PTPRC: variants seen among roughly 807,000 people sequenced by gnomAD.
The protein encoded by PTPRC is protein tyrosine phosphatase receptor type C, also known as receptor-type tyrosine-protein phosphatase C.
PTPRC carries 44 observed loss-of-function variants against 155.9 expected under a neutral mutation model. The observed-to-expected ratio is 0.28, with a 90% CI of 0.22 to 0.36. The LOEUF is 0.36. Among genes scored for constraint, PTPRC ranks in the 10% least tolerant of loss-of-function variants. PTPRC has a pLI of 1.00. For synonymous variants in PTPRC, 525 were observed against 533.1 expected (o/e 0.98, Z 0.21); for missense variants, 1,401 against 1,564.6 (o/e 0.90, Z 1.76).
At chr1:198,742,127 A>C in intron 24 of PTPRC, 101 bp downstream of exon 24, 1 of 1,601,280 alleles carries the variant, frequency 6.2e-7, no homozygotes, top group Non-Finnish European at 8.5e-7. Flanking sequence ...GGCAATTGCT[A>C]TTTTGGGAAA....
At chr1:198,716,932 A>C in intron 13 of PTPRC, 92 bp downstream of exon 13, 1 of 1,236,342 alleles carries the variant, frequency 8.1e-7, no homozygotes, top group East Asian at 2.4e-5. Context: ...TTATTCTAGC[A>C]AGCACATTTA....
chr1:198,740,582 A>G (rs1284423929), intron 23 of PTPRC, among the ~76,000 whole-genome samples: 2 of 61,006 alleles, frequency 3.3e-5, no homozygotes, highest in Non-Finnish European at 1.1e-4. Context: ...ACTTTATCTC[A>G]AAAAAAAAGA....
chr1:198,660,302 ATTAAT>A lies in PTPRC; in HGVS notation c.73+20969_73+20973del, dbSNP rs1278574251. On this transcript the variant is annotated intron_variant, in intron 2 of 32. Transcript: ENST00000442510. ...TATTTCTTCAATTTACCATTTTGTG[ATTAAT>A]TTAATTTTTACTGTGTTCAGGGTTT... Among the ~76,000 whole-genome samples, 7 of 151,900 alleles carry A rather than the reference ATTAAT, an allele frequency of 4.6e-5. No homozygotes were observed. The South Asian group carries it at 1.0e-3, about 23-fold the overall frequency.
chr1:198,703,506 T>C lies in PTPRC; in HGVS notation c.658+134T>C, dbSNP rs932067153. Reference sequence around the variant, plus strand: ...TTAAGTGTTTGAATCCTGAGGGTGATGGAACAGCAGGAAGATATTTCTCTG... The same window carrying C: ...TTAAGTGTTTGAATCCTGAGGGTGACGGAACAGCAGGAAGATATTTCTCTG... On this transcript the variant is annotated intron_variant, in intron 7 of 32. Coordinates refer to ENST00000442510, the MANE Select transcript of PTPRC (RefSeq NM_002838.5). 4 of 1,378,316 alleles carry C rather than the reference T, an allele frequency of 2.9e-6. No individual in the cohort carries two copies. In the African/African-American group the frequency reaches 4.3e-5, roughly 15 times the overall value. The allele number at this position is 1,378,316 out of a possible 1,614,324, so 85.4% of individuals were successfully genotyped here.
At chr1:198,694,855 C>A in intron 3 of PTPRC, 2 of 966,954 alleles carry the variant, frequency 2.1e-6, no homozygotes, top group Non-Finnish European at 2.5e-6. Flanking sequence ...AAAGTTAGAC[C>A]TGATTTTACA....
chr1:198,728,146 G>A (rs868181178), intron 15 of PTPRC, among the ~76,000 whole-genome samples, 194 bp from the exon 16 acceptor site: 59 of 152,052 alleles, frequency 3.9e-4, no homozygotes, highest in African/African-American at 1.4e-3. Flanking sequence ...TGTTTTCATT[G>A]GTTCAGAACA....
At chr1:198,660,759 A>G (rs921535275) in intron 2 of PTPRC, 4 of 152,154 alleles carry the variant, frequency 2.6e-5, no homozygotes, top group Non-Finnish European at 5.9e-5. Context: ...CAAACCCTTC[A>G]GTCTTATCAT....
At chr1:198,713,216 T>G in intron 12 of PTPRC, 144 bp downstream of exon 12, 1 of 1,163,614 alleles carries the variant, frequency 8.6e-7, no homozygotes, top group Non-Finnish European at 1.2e-6. Context: ...TTAGAATTGC[T>G]TCCACTCATT....
At chr1:198,652,078 A>T (rs1663283342) in intron 2 of PTPRC, among the ~76,000 whole-genome samples, 1 of 151,846 alleles carries the variant, frequency 6.6e-6, no homozygotes, top group East Asian at 1.9e-4. Context: ...TTGTATTATG[A>T]TATTTTGCTT....
chr1:198,644,141 A>T (rs1024894183), intron 2 of PTPRC, among the ~76,000 whole-genome samples: 5 of 151,784 alleles, frequency 3.3e-5, no homozygotes, highest in Non-Finnish European at 7.4e-5. Flanking sequence ...TTTTCTAGAC[A>T]TCTTATAGAT....
At position 198,697,206 on chromosome 1, in the gene PTPRC, C is replaced by T. The variant is rs76791523; in HGVS notation, c.298+297C>T. Among the ~76,000 whole-genome samples the T allele has an allele frequency of 1.5e-3, 230 of 152,314 alleles. 1 individual carries two copies. The highest frequency in any genetic ancestry group is 5.3e-3 in the African/African-American group (221 of 41,570). ...ATACACACTCGCCATGATTCTCCCG[C>T]TTGGCTTCCCGCCACCTGGACAGAT... On this transcript the variant is annotated intron_variant, in intron 4 of 32. Coordinates refer to ENST00000442510, the MANE Select transcript of PTPRC (RefSeq NM_002838.5).
At chr1:198,647,191 C>T (rs1422142417) in intron 2 of PTPRC, among the ~76,000 whole-genome samples, 1 of 151,900 alleles carries the variant, frequency 6.6e-6, no homozygotes, top group African/African-American at 2.4e-5. Flanking sequence ...AACCCTTGCT[C>T]TTCAGCCCCT....
Position 198,706,894 on chromosome 1 carries a change from C to T in PTPRC, c.846C>T (p.Ser282=), listed in dbSNP as rs1653005993. The T allele has an allele frequency of 1.2e-6, 2 of 1,613,332 alleles. No individual in the cohort carries two copies. Among genetic ancestry groups the T allele is most frequent in the Non-Finnish European group, 1.7e-6 (2 of 1,179,370 alleles). Residue 282 remains serine (S), a synonymous_variant, in exon 9 of 33, where the codon TCC becomes TCT. Transcript: ENST00000442510. ...CAGAATGTAAAAATGCGTCTGTTTC[C>T]ATATCTCATAATTCATGTACTGCTC... ...NLTECKNASV[S]ISHNSCTAPD... is the part of the protein sequence containing the mutation.
chr1:198,704,455 T>G lies in PTPRC; in HGVS notation c.659-17T>G. 1.2e-6 allele frequency: 2 copies of G among 1,613,898 alleles called. No homozygotes were observed. The highest frequency in any genetic ancestry group is 1.7e-6 in the Non-Finnish European group (2 of 1,179,916). ...AAGCAAAATTTTAATAATTTACATT[T>G]TTTTTCTCCATTACAGCTACTACTC... is the stretch of plus-strand genomic sequence containing the variant. On this transcript the variant is annotated splice_polypyrimidine_tract_variant and intron_variant, in intron 7 of 32. Transcript: ENST00000442510.
In PTPRC at chr1:198,681,480, G is replaced by A. The variant is rs12092133; in HGVS notation, c.74-10867G>A. Among the ~76,000 whole-genome samples the A allele has an allele frequency of 1.1e-4, 16 of 152,218 alleles. No individual in the cohort carries two copies. In the East Asian group the frequency reaches 1.9e-3, roughly 18 times the overall value. On this transcript the variant is annotated intron_variant, in intron 2 of 32. Transcript: ENST00000442510. ...TGTGATGTTTCCTACTGGTAGGGTCGTATTTCATATGTGGTGATAGTGTTG... is the reference window on the plus strand; with the variant it reads ...TGTGATGTTTCCTACTGGTAGGGTCATATTTCATATGTGGTGATAGTGTTG...
At chr1:198,692,529 C>A in intron 3 of PTPRC, 156 bp downstream of exon 3, 2 of 1,107,358 alleles carry the variant, frequency 1.8e-6, no homozygotes, top group Non-Finnish European at 2.3e-6. Flanking sequence ...CTTAAACTTT[C>A]TGCTTATACG....
intron 3 of PTPRC, chr1:198,694,763 ACC>A: frequency 2.1e-6 from 2 of 938,258 alleles, no homozygotes; most frequent in Non-Finnish European, 2.5e-6. Flanking sequence ...CCTTTCTCCC[ACC>A]CCCTTTTCTT....
chr1:198,652,222 A>T (rs1398283670), intron 2 of PTPRC, among the ~76,000 whole-genome samples: 3 of 151,782 alleles, frequency 2.0e-5, no homozygotes, highest in Non-Finnish European at 4.4e-5. Context: ...TTTCATGTAG[A>T]TATAAAGCCG....
Position 198,696,871 on chromosome 1 carries a change from C to T in PTPRC, c.260C>T (p.Pro87Leu), listed in dbSNP as rs149798940. 169 of 1,614,088 alleles carry T rather than the reference C, an allele frequency of 1.0e-4. 1 individual carries two copies. The highest frequency in any genetic ancestry group is 8.7e-4 in the Admixed American group (52 of 60,016). Residue 87 changes from proline (P) to leucine (L), a missense_variant, in exon 4 of 33, where the codon CCG becomes CTG. Physicochemically the swap from Pro to Leu is moderately conservative, Grantham distance 98. Transcript: ENST00000442510. ...SPDNTSTQVS[P>L]DSLDNASAFN... The stretch of plus-strand genomic sequence containing the variant: ...GACAATACTTCCACCCAAGTATCCC[C>T]GGACTCTTTGGATAATGCTAGTGCT...
Sources: gnomAD v4.1 joint callset for allele counts (sites outside exome capture counted in the v4.1 genomes callset) on GRCh38, gnomAD v4.1.1 for gene constraint, MANE v1.5 for transcripts, NCBI Gene and HGNC (gene_info 2026-07-23, HGNC 2026-07-21) for gene names.